ARIH1: variants seen among roughly 807,000 people sequenced by gnomAD.
ARIH1 encodes E3 ubiquitin-protein ligase ARIH1.
A neutral mutation model predicts 85.0 loss-of-function variants in ARIH1; 8 were observed. The ratio of observed to expected loss-of-function variants is 0.09; its 90% CI spans 0.06 to 0.17. The LOEUF (loss-of-function observed/expected upper bound fraction) is 0.17, where lower values mean the gene tolerates loss of function less well. Ranked by LOEUF, ARIH1 falls within the 10% of genes least tolerant of loss-of-function variation. ARIH1 has a pLI of 1.00. For synonymous variants in ARIH1, 238 were observed against 253.6 expected (o/e 0.94, Z 0.59); for missense variants, 311 against 718.1 (o/e 0.43, Z 6.48).
At chr15:72,531,344 T>G (rs2064055910) in intron 2 of ARIH1, among the ~76,000 whole-genome samples, 1 of 152,168 alleles carries the variant, frequency 6.6e-6, no homozygotes, top group Admixed American at 6.5e-5. Flanking sequence ...CTCAGCTCAG[T>G]GCAGCTTGCA....
intron 11 of ARIH1, among the ~76,000 whole-genome samples, chr15:72,578,580 C>G (rs1595875023): frequency 6.6e-6 from 1 of 151,974 alleles, no homozygotes; most frequent in Non-Finnish European, 1.5e-5. Context: ...TTCATGACAA[C>G]TCTTTTTCTT....
At chr15:72,531,592 T>C (rs2064057425) in intron 2 of ARIH1, among the ~76,000 whole-genome samples, 1 of 152,068 alleles carries the variant, frequency 6.6e-6, no homozygotes, top group Non-Finnish European at 1.5e-5. Context: ...AAAAACATCT[T>C]AGTAAAACTA....
At chr15:72,570,766 A>T (rs1354164450) in intron 10 of ARIH1, among the ~76,000 whole-genome samples, 2 of 152,276 alleles carry the variant, frequency 1.3e-5, no homozygotes, top group Non-Finnish European at 2.9e-5. Context: ...AGGCTTTGTC[A>T]TATTTTTTCT....
chr15:72,566,978 G>A (rs2064223708), intron 8 of ARIH1, 128 bp from the exon 9 acceptor site: 1 of 662,724 alleles, frequency 1.5e-6, no homozygotes, highest in Non-Finnish European at 2.6e-6. Context: ...GGCTTAAGAG[G>A]ATGTGAGCCT....
chr15:72,523,610 G>A (rs1171561012), intron 2 of ARIH1, among the ~76,000 whole-genome samples: 1 of 151,270 alleles, frequency 6.6e-6, no homozygotes, highest in Non-Finnish European at 1.5e-5. Context: ...CTGACCCATA[G>A]AGTGTATAAC....
intron 2 of ARIH1, among the ~76,000 whole-genome samples, chr15:72,524,183 G>A (rs1002551322): frequency 2.6e-5 from 4 of 151,224 alleles, no homozygotes; most frequent in African/African-American, 9.7e-5. Context: ...TCCTGACCTC[G>A]TGATCCGCCC....
At position 72,590,573 on chromosome 15, in the gene ARIH1, G is replaced by A. The variant is rs1039551390; in HGVS notation, c.*7281G>A. ...ATCTGATGACATGGGCTTTTTAAAA[G>A]ATTACTATTTTTTTAGAGGTGGGGT... On this transcript the variant is annotated 3_prime_UTR_variant, in exon 14 of 14. Transcript: ENST00000379887. 2 of 83,200 alleles carry A rather than the reference G, an allele frequency of 2.4e-5. No homozygotes were observed. Among genetic ancestry groups the A allele is most frequent in the Non-Finnish European group, 6.9e-5 (2 of 28,808 alleles). The allele number at this position is 83,200 out of a possible 1,614,324, so 5.2% of individuals were successfully genotyped here.
chr15:72,567,780 G>A (rs1289293268), intron 9 of ARIH1, among the ~76,000 whole-genome samples: 1 of 152,132 alleles, frequency 6.6e-6, no homozygotes, highest in East Asian at 1.9e-4. Flanking sequence ...ATGTAATTCA[G>A]TCCTATCCTA....
At chr15:72,570,138 G>T in intron 9 of ARIH1, 39 bp from the exon 10 acceptor site, 1 of 1,606,978 alleles carries the variant, frequency 6.2e-7, no homozygotes. Context: ...ATGCAACCTA[G>T]TGTAGCATTG....
At chr15:72,528,059 TA>T (rs893182968) in intron 2 of ARIH1, among the ~76,000 whole-genome samples, 4 of 152,208 alleles carry the variant, frequency 2.6e-5, no homozygotes, top group African/African-American at 7.2e-5. Flanking sequence ...GAGCTACTTT[TA>T]AGTTGATAAC....
At chr15:72,476,786 A>G (rs2063796688) in intron 1 of ARIH1, among the ~76,000 whole-genome samples, 1 of 152,230 alleles carries the variant, frequency 6.6e-6, no homozygotes, top group African/African-American at 2.4e-5. Flanking sequence ...ACCTTTGGAT[A>G]GCCATTAATA....
At chr15:72,484,541 C>T (rs1346736423) in intron 1 of ARIH1, among the ~76,000 whole-genome samples, 2 of 151,876 alleles carry the variant, frequency 1.3e-5, no homozygotes, top group African/African-American at 2.4e-5. Flanking sequence ...TCTTGATTTA[C>T]TTCTCTTAGA....
At chr15:72,541,070 G>C (rs147548188) in intron 2 of ARIH1, among the ~76,000 whole-genome samples, 2 of 152,254 alleles carry the variant, frequency 1.3e-5, no homozygotes, top group East Asian at 1.9e-4. Flanking sequence ...CGAAGGCCTG[G>C]AGCTCTGGGA....
At chr15:72,514,729 G>T (rs1466762744) in intron 1 of ARIH1, among the ~76,000 whole-genome samples, 1 of 151,698 alleles carries the variant, frequency 6.6e-6, no homozygotes, top group Non-Finnish European at 1.5e-5. Flanking sequence ...ATTTTGGCCA[G>T]GCGCAGTGGC....
At chr15:72,525,409 G>T (rs1358106495) in intron 2 of ARIH1, among the ~76,000 whole-genome samples, 2 of 152,072 alleles carry the variant, frequency 1.3e-5, no homozygotes, top group African/African-American at 4.8e-5. Context: ...TTGATTAAAG[G>T]TATCAACTAA....
rs1343639724 is a variant in ARIH1 at position 72,587,655 on chromosome 15, A to G, written c.*4363A>G. On this transcript the variant is annotated 3_prime_UTR_variant, in exon 14 of 14. Coordinates refer to ENST00000379887, the MANE Select transcript of ARIH1 (RefSeq NM_005744.5). ...AATTTTGGCTCCTTCAGAAACAGGAAGATAAGTGGGCCCCTCAGATTTTTC... is the reference window on the plus strand; with the variant it reads ...AATTTTGGCTCCTTCAGAAACAGGAGGATAAGTGGGCCCCTCAGATTTTTC... 6.5e-6 allele frequency: 1 copy of G among 154,410 alleles called. No individual in the cohort carries two copies. Among genetic ancestry groups the G allele is most frequent in the Non-Finnish European group, 1.4e-5 (1 of 69,618 alleles). The allele number at this position is 154,410 out of a possible 1,614,324, so 9.6% of individuals were successfully genotyped here.
At chr15:72,540,173 G>A (rs1444848631) in intron 2 of ARIH1, among the ~76,000 whole-genome samples, 2 of 149,778 alleles carry the variant, frequency 1.3e-5, no homozygotes, top group Non-Finnish European at 1.5e-5. Context: ...CAGGAGAATC[G>A]GTTGAACCTG....
chr15:72,501,878 T>A (rs1392631459), intron 1 of ARIH1, among the ~76,000 whole-genome samples: 1 of 152,180 alleles, frequency 6.6e-6, no homozygotes, highest in African/African-American at 2.4e-5. Context: ...TTTGTACCCT[T>A]TTTATCAATA....
chr15:72,484,780 C>CATACATATATATGTGT (rs2063831112), intron 1 of ARIH1, among the ~76,000 whole-genome samples: 2 of 70,272 alleles, frequency 2.8e-5, no homozygotes, highest in African/African-American at 5.5e-5. Context: ...TATATATATA[C>CATACATATATATGTGT]ATATATATAC....
Sources: allele counts gnomAD v4.1 joint callset (sites outside exome capture counted in the v4.1 genomes callset), GRCh38; gene constraint gnomAD v4.1.1; transcripts MANE v1.5; gene names NCBI Gene and HGNC (gene_info 2026-07-23, HGNC 2026-07-21).